Variants in ATP1A2 observed in about 807,000 individuals in gnomAD.
ATP1A2 encodes sodium/potassium-transporting ATPase subunit alpha-2.
A neutral mutation model predicts 113.1 loss-of-function variants in ATP1A2; 56 were observed. The observed-to-expected ratio is 0.49, with a 90% CI of 0.40 to 0.62. ATP1A2 has a LOEUF of 0.62. ATP1A2 is among the 20% of genes least tolerant of loss of function. The pLI is 0.00. For synonymous variants in ATP1A2, 490 were observed against 526.8 expected (o/e 0.93, Z 0.96); for missense variants, 712 against 1,357.8 (o/e 0.52, Z 7.47).
rs535175099 is a variant in ATP1A2 at position 160,130,505 on chromosome 1, A to G, written c.1735A>G (p.Lys579Glu). ...DTDELNFPTE[K>E]LCFVGLMSMI... ...GGATGAGCTGAACTTTCCCACGGAGAAGCTTTGCTTTGTGGGGCTCATGTC... is the reference window on the plus strand; with the variant it reads ...GGATGAGCTGAACTTTCCCACGGAGGAGCTTTGCTTTGTGGGGCTCATGTC... Residue 579 changes from lysine to glutamate, a missense_variant, in exon 13 of 23, where the codon AAG (lysine) becomes GAG (glutamate). Around this residue, in one of 6 missense-constraint regions of ATP1A2, gnomAD observed 263 missense variants for 380.6 expected, o/e 0.69. Transcript: ENST00000361216. 36 of 1,614,158 alleles carry G rather than the reference A, an allele frequency of 2.2e-5. 1 individual carries two copies. The South Asian group carries it at 3.6e-4, about 16-fold the overall frequency.
chr1:160,125,435 C>T, intron 7 of ATP1A2, 182 bp downstream of exon 7: 1 of 618,976 alleles, frequency 1.6e-6, no homozygotes, highest in Non-Finnish European at 2.9e-6. Flanking sequence ...CTGAGGGCAG[C>T]CTGACTCCAT....
At chr1:160,116,791 A>G (rs1422115426) in intron 1 of ATP1A2, among the ~76,000 whole-genome samples, 2 of 152,110 alleles carry the variant, frequency 1.3e-5, no homozygotes, top group Non-Finnish European at 2.9e-5. Context: ...GACTGTGCCT[A>G]GGGGGAGCCG....
chr1:160,140,949 G>A (rs1300582723), intron 22 of ATP1A2, among the ~76,000 whole-genome samples: 9 of 134,248 alleles, frequency 6.7e-5, no homozygotes, highest in Admixed American at 3.5e-4. Context: ...TGCAAGCTCC[G>A]CCTCCTGGGT....
In ATP1A2 at chr1:160,130,180, C is replaced by CG; in HGVS notation, c.1542dup (p.Cys515ValfsTer58). ...GGGGGCCCCAGAGCGCATTCTGGAC[C>CG]GGTGCTCCACCATCCTGGTGCAGGG... On this transcript the variant is annotated frameshift_variant, in exon 12 of 23. Transcript: ENST00000361216. LOFTEE classifies it high-confidence loss of function. The CG allele has an allele frequency of 2.5e-6, 4 of 1,614,198 alleles. No individual in the cohort carries two copies. The highest frequency in any genetic ancestry group is 3.4e-6 in the Non-Finnish European group (4 of 1,180,034).
chr1:160,138,930 C>T (rs1228818297), intron 20 of ATP1A2, among the ~76,000 whole-genome samples: 2 of 152,136 alleles, frequency 1.3e-5, no homozygotes, highest in Non-Finnish European at 2.9e-5. Context: ...GTGTTATCTC[C>T]CTTAATTTTC....
intron 20 of ATP1A2, among the ~76,000 whole-genome samples, chr1:160,138,801 G>T (rs933191332): frequency 6.6e-6 from 1 of 151,922 alleles, no homozygotes; most frequent in African/African-American, 2.4e-5. Context: ...TGATCGTCCA[G>T]CCTGGGCAAC....
chr1:160,117,929 G>T (rs567792609), intron 1 of ATP1A2, among the ~76,000 whole-genome samples: 1 of 151,992 alleles, frequency 6.6e-6, no homozygotes, highest in South Asian at 2.1e-4. Context: ...CAGAGAGGGG[G>T]ACTTGTGGTT....
rs1390960311 is a variant in ATP1A2 at position 160,139,507 on chromosome 1, G to T, written c.2841-133G>T. 5.1e-6 allele frequency: 4 copies of T among 780,848 alleles called. No homozygotes were observed. The African/African-American group carries it at 6.9e-5, about 13-fold the overall frequency. The allele number at this position is 780,848 out of a possible 1,614,324, so 48.4% of individuals were successfully genotyped here. ...TTTGGTTACATAAAGCATGAGAAGA[G>T]GCTGTTGGAAGAAGACATGCGACTA... On this transcript the variant is annotated intron_variant, in intron 20 of 22. Coordinates refer to ENST00000361216, the MANE Select transcript of ATP1A2 (RefSeq NM_000702.4).
chr1:160,136,424 C>T lies in ATP1A2; in HGVS notation c.2563+54C>T, dbSNP rs1310377501. 1.9e-6 allele frequency: 3 copies of T among 1,612,698 alleles called. No individual in the cohort carries two copies. In the East Asian group the frequency reaches 6.7e-5, roughly 36 times the overall value. Reference sequence around the variant, plus strand: ...AACCCCAACAGGGTTCTTTTCCCAGCTTTCAGAGGAATGAGCCCCAAGCAA... The same window carrying T: ...AACCCCAACAGGGTTCTTTTCCCAGTTTTCAGAGGAATGAGCCCCAAGCAA... On this transcript the variant is annotated intron_variant, in intron 18 of 22. Coordinates refer to ENST00000361216, the MANE Select transcript of ATP1A2 (RefSeq NM_000702.4).
chr1:160,120,052 G>C (rs1273858688), intron 1 of ATP1A2, among the ~76,000 whole-genome samples: 4 of 151,814 alleles, frequency 2.6e-5, no homozygotes, highest in Admixed American at 2.6e-4. Context: ...TGATTCACCA[G>C]ATGACCCAGG....
At position 160,143,142 on chromosome 1, in the gene ATP1A2, A is replaced by T. The variant is rs1652206672; in HGVS notation, c.*1820A>T. 6.6e-6 allele frequency: 1 copy of T among 152,224 alleles called. No individual in the cohort carries two copies. Among genetic ancestry groups the T allele is most frequent in the African/African-American group, 2.4e-5 (1 of 41,454 alleles). 9.4% of individuals were successfully genotyped at this position (152,224 alleles called of 1,614,324 possible). A position where few individuals can be genotyped will look rare whatever the true frequency, so the allele number is the denominator to read the frequency against. On this transcript the variant is annotated 3_prime_UTR_variant, in exon 23 of 23. Coordinates refer to ENST00000361216, the MANE Select transcript of ATP1A2 (RefSeq NM_000702.4). ...GCACAAAAGACAAGCATTGGGTCAG[A>T]CCCATAAACCACCTCCCAAAGGCTG...
chr1:160,134,187 T>TCA (rs1274876002), intron 13 of ATP1A2, among the ~76,000 whole-genome samples: 1 of 72,560 alleles, frequency 1.4e-5, no homozygotes, highest in Non-Finnish European at 2.7e-5. Flanking sequence ...ACATTCCCTC[T>TCA]CACACACACA....
chr1:160,122,179 T>C (rs1297855026), intron 3 of ATP1A2, among the ~76,000 whole-genome samples: 1 of 152,134 alleles, frequency 6.6e-6, no homozygotes, highest in Non-Finnish European at 1.5e-5. Flanking sequence ...TATATCTCCT[T>C]TATGGGCCTT....
At chr1:160,133,223 A>G (rs1651822938) in intron 13 of ATP1A2, among the ~76,000 whole-genome samples, 1 of 152,106 alleles carries the variant, frequency 6.6e-6, no homozygotes, top group African/African-American at 2.4e-5. Context: ...TTCAAGGAGA[A>G]GAGGTCAACG....
At chr1:160,119,510 A>G (rs1449879341) in intron 1 of ATP1A2, among the ~76,000 whole-genome samples, 1 of 152,090 alleles carries the variant, frequency 6.6e-6, no homozygotes, top group Non-Finnish European at 1.5e-5. Flanking sequence ...GGAAGTAAGA[A>G]GGTACCTTTT....
At chr1:160,132,780 T>C (rs993326492) in intron 13 of ATP1A2, among the ~76,000 whole-genome samples, 1 of 152,176 alleles carries the variant, frequency 6.6e-6, no homozygotes, top group Non-Finnish European at 1.5e-5. Flanking sequence ...TGGTCAGGAC[T>C]GGAGATTTGA....
chr1:160,127,425 T>C (rs1651619314), intron 7 of ATP1A2, 127 bp from the exon 8 acceptor site: 4 of 1,331,240 alleles, frequency 3.0e-6, no homozygotes, highest in Admixed American at 1.9e-5. Flanking sequence ...ACCTACTGAA[T>C]GTGGCCTCCA....
In ATP1A2 at chr1:160,119,256, C is replaced by CAAAAAAAAAAAAAAAAAAAA. The variant is rs386368465; in HGVS notation, c.13-1642_13-1623dup. On this transcript the variant is annotated intron_variant, in intron 1 of 22. Transcript: ENST00000361216. ...AAACCCCCAAAACTGCATTATCCTG[C>CAAAAAAAAAAAAAAAAAAAA]AAAAAAAAAAAAAAAAAAAAAAAAA... 7.7e-4 allele frequency among the ~76,000 whole-genome samples: 38 copies of CAAAAAAAAAAAAAAAAAAAA among 49,430 alleles called. 14 individuals are homozygous for CAAAAAAAAAAAAAAAAAAAA. The highest frequency in any genetic ancestry group is 9.9e-4 in the African/African-American group (10 of 10,052). 32.4% of individuals were successfully genotyped at this position (49,430 alleles called of 152,430 possible).
At position 160,135,442 on chromosome 1, in the gene ATP1A2, T is replaced by A; in HGVS notation, c.2124T>A (p.Ile708=). Residue 708 remains isoleucine, a synonymous_variant, in exon 16 of 23, where the codon ATT becomes ATA. Coordinates refer to ENST00000361216, the MANE Select transcript of ATP1A2 (RefSeq NM_000702.4). This position sits in a 1 kb window ranked among gnomAD's most constrained non-coding sequence, Gnocchi z 6.3. ...GGCCGTCTTCCCTCCAGGGAGCCATTGTGGCCGTGACGGGTGACGGGGTGA... is the reference window on the plus strand; with the variant it reads ...GGCCGTCTTCCCTCCAGGGAGCCATAGTGGCCGTGACGGGTGACGGGGTGA... ...IVEGCQRQGA[I]VAVTGDGVND... is the part of the protein sequence containing the mutation. 6.2e-6 allele frequency: 10 copies of A among 1,614,124 alleles called. No homozygotes were observed. The highest frequency in any genetic ancestry group is 8.5e-6 in the Non-Finnish European group (10 of 1,180,018).
Sources: gnomAD v4.1 joint callset for allele counts (sites outside exome capture counted in the v4.1 genomes callset) on GRCh38, gnomAD v4.1.1 for gene constraint, gnomAD v4.1.1 regional missense constraint, Gnocchi (gnomAD v3.1) non-coding constraint, MANE v1.5 for transcripts, NCBI Gene and HGNC (gene_info 2026-07-23, HGNC 2026-07-21) for gene names.